The following UGT2A2 variants were observed in gnomAD, a reference collection of about 807,000 sequenced individuals.
UGT2A2 encodes the protein UDP-glucuronosyltransferase 2A2.
A neutral mutation model predicts 50.7 loss-of-function variants in UGT2A2; 60 were observed. The ratio of observed to expected loss-of-function variants is 1.18; its 90% CI spans 0.96 to 1.47. The LOEUF (loss-of-function observed/expected upper bound fraction) is 1.47, where lower values mean the gene tolerates loss of function less well. Ranked by LOEUF, UGT2A2 falls within the 40% of genes most tolerant of loss-of-function variation. UGT2A2 has a pLI of 0.00. For missense variants in UGT2A2, 762 were observed against 634.0 expected, an observed-to-expected ratio of 1.20 and a Z score of -2.17; for synonymous variants, 242 against 214.6, an observed-to-expected ratio of 1.13 and a Z score of -1.11.
At chr4:69,628,815 A>C (rs569534970) in intron 1 of UGT2A2, among the ~76,000 whole-genome samples, 17 of 151,106 alleles carry the variant, frequency 1.1e-4, no homozygotes, top group Admixed American at 3.3e-4. Context: ...TGAAAAAAAG[A>C]AAAAAGACCG....
At chr4:69,635,187 G>A (rs935240650) in intron 1 of UGT2A2, among the ~76,000 whole-genome samples, 2 of 152,010 alleles carry the variant, frequency 1.3e-5, no homozygotes, top group Admixed American at 6.6e-5. Flanking sequence ...AATATTAAAT[G>A]TCAAAAAATA....
rs145727607 is a variant in UGT2A2 at position 69,609,378 on chromosome 4, G to T, written c.743-9984C>A. ...CAGTTTTAATTTTTTGTTTGTTTGT[G>T]TTGTAGAGATGATGTCTCTCTCTGT... is the stretch of plus-strand genomic sequence containing the variant. On this transcript the variant is annotated intron_variant, in intron 1 of 5. Transcript: ENST00000604629. Among the ~76,000 whole-genome samples the T allele has an allele frequency of 5.2e-3, 781 of 151,642 alleles. 10 individuals are homozygous for T. The highest frequency in any genetic ancestry group is 0.017 in the African/African-American group (714 of 41,358).
At chr4:69,613,842 C>T (rs1720210770) in intron 1 of UGT2A2, among the ~76,000 whole-genome samples, 1 of 151,816 alleles carries the variant, frequency 6.6e-6, no homozygotes, top group African/African-American at 2.4e-5. Flanking sequence ...TTATAAAAGC[C>T]ATAAACCGCA....
chr4:69,639,261 A>G lies in UGT2A2; in HGVS notation c.380T>C (p.Phe127Ser). 1 of 1,613,706 alleles carries G rather than the reference A, an allele frequency of 6.2e-7. No homozygotes were observed. The highest frequency in any genetic ancestry group is 8.5e-7 in the Non-Finnish European group (1 of 1,179,748). Residue 127 changes from phenylalanine (F) to serine (S), a missense_variant, in exon 1 of 6, where the codon TTC becomes TCC. Physicochemically the swap from Phe to Ser is radical, Grantham distance 155. Coordinates refer to ENST00000604629, the MANE Select transcript of UGT2A2 (RefSeq NM_001105677.2). Reference sequence around the variant, plus strand: ...ACAGAGTTGTATGTTAATTTGAAAGAAAGTGTCTAGAAGTTTTCCTAGTTC... The same window carrying G: ...ACAGAGTTGTATGTTAATTTGAAAGGAAGTGTCTAGAAGTTTTCCTAGTTC... Reference protein sequence around the residue: ...YKELGKLLDTFFQINIQLCDG... With the variant: ...YKELGKLLDTSFQINIQLCDG...
At chr4:69,625,082 A>C (rs1720966250) in intron 1 of UGT2A2, among the ~76,000 whole-genome samples, 2 of 151,160 alleles carry the variant, frequency 1.3e-5, no homozygotes, top group African/African-American at 2.4e-5. Flanking sequence ...TAATTATGAT[A>C]ATTTTAATTT....
At chr4:69,603,657 T>C (rs1719428434) in intron 1 of UGT2A2, 1 of 135,552 alleles carries the variant, frequency 7.4e-6, no homozygotes, top group Non-Finnish European at 1.6e-5. Context: ...GCAAAGAGGT[T>C]AAAAACCTTG....
intron 1 of UGT2A2, among the ~76,000 whole-genome samples, chr4:69,620,289 A>AG (rs1035036522): frequency 2.1e-4 from 27 of 125,944 alleles, no homozygotes; most frequent in African/African-American, 8.4e-4. Flanking sequence ...GTAAAGTTTC[A>AG]GGAAAAAAAA....
At chr4:69,607,201 G>T (rs1420445077) in intron 1 of UGT2A2, among the ~76,000 whole-genome samples, 1 of 150,242 alleles carries the variant, frequency 6.7e-6, no homozygotes, top group African/African-American at 2.5e-5. Flanking sequence ...AAACAGCATG[G>T]TACTGGTACC....
At chr4:69,605,461 ACAG>A (rs1458065591) in intron 1 of UGT2A2, among the ~76,000 whole-genome samples, 1 of 137,164 alleles carries the variant, frequency 7.3e-6, no homozygotes, top group Admixed American at 7.2e-5. Context: ...TGCCCACAGA[ACAG>A]AGCAGGAAAG....
At chr4:69,594,890 A>G (rs1718826214) in intron 4 of UGT2A2, among the ~76,000 whole-genome samples, 194 bp from the exon 5 acceptor site, 1 of 152,188 alleles carries the variant, frequency 6.6e-6, no homozygotes, top group East Asian at 1.9e-4. Flanking sequence ...CAGCATTTGC[A>G]TTTTCTGGGA....
At chr4:69,613,459 T>C (rs185958294) in intron 1 of UGT2A2, among the ~76,000 whole-genome samples, 129 of 152,076 alleles carry the variant, frequency 8.5e-4, no homozygotes, top group African/African-American at 3.0e-3. Context: ...TTGAAATATG[T>C]TCCAAAACAT....
chr4:69,599,372 C>A lies in UGT2A2; in HGVS notation c.765G>T (p.Glu255Asp), dbSNP rs975747883. Residue 255 changes from glutamate to aspartate, a missense_variant, in exon 2 of 6, where the codon GAG becomes GAT. Physicochemically the swap from Glu to Asp is conservative, Grantham distance 45. Transcript: ENST00000604629. Reference protein sequence around the residue: ...KILGRPTTLCETMGKAEIWLI... With the variant: ...KILGRPTTLCDTMGKAEIWLI... ...ACCAAATTTCAGCTTTCCCCATAGT[C>A]TCACATAACGTAGTGGGTCTTCCTG... 1 of 1,613,530 alleles carries A rather than the reference C, an allele frequency of 6.2e-7. No homozygotes were observed. The highest frequency in any genetic ancestry group is 1.3e-5 in the African/African-American group (1 of 74,840).
chr4:69,628,709 A>G (rs1367393243), intron 1 of UGT2A2, among the ~76,000 whole-genome samples: 1 of 149,388 alleles, frequency 6.7e-6, no homozygotes, highest in East Asian at 1.9e-4. Flanking sequence ...TTTTCTTTAA[A>G]AGCAAATATA....
In UGT2A2 at chr4:69,589,006, T is replaced by C. The variant is rs115247793; in HGVS notation, c.*366A>G. The C allele has an allele frequency of 3.8e-3, 673 of 177,288 alleles. 7 individuals carry two copies. The highest frequency in any genetic ancestry group is 0.013 in the African/African-American group (549 of 41,924). 11.0% of individuals were successfully genotyped at this position (177,288 alleles called of 1,614,324 possible). ...CACCTATCAAATTCCATCTACACTGTATGCATTACCAGGATTCAGCATATT... is the reference window on the plus strand; with the variant it reads ...CACCTATCAAATTCCATCTACACTGCATGCATTACCAGGATTCAGCATATT... On this transcript the variant is annotated 3_prime_UTR_variant, in exon 6 of 6. Coordinates refer to ENST00000604629, the MANE Select transcript of UGT2A2 (RefSeq NM_001105677.2).
At chr4:69,596,455 G>T in intron 2 of UGT2A2, 74 bp from the exon 3 acceptor site, 1 of 1,401,630 alleles carries the variant, frequency 7.1e-7, no homozygotes, top group Non-Finnish European at 9.4e-7. Flanking sequence ...ACACATTTAA[G>T]TAGGTAAAAT....
At chr4:69,628,481 A>G (rs970583966) in intron 1 of UGT2A2, among the ~76,000 whole-genome samples, 1 of 151,812 alleles carries the variant, frequency 6.6e-6, no homozygotes, top group Non-Finnish European at 1.5e-5. Flanking sequence ...ACAAGATATC[A>G]AGAATATACG....
chr4:69,616,667 T>C (rs116536093), intron 1 of UGT2A2, among the ~76,000 whole-genome samples: 1,996 of 151,922 alleles, frequency 0.013, 38 homozygotes, highest in African/African-American at 0.046. Flanking sequence ...CCAGAAAAAA[T>C]TGATAATTTT....
rs577832842 is a variant in UGT2A2 at position 69,590,911 on chromosome 4, T to A, written c.1332-1260A>T. On this transcript the variant is annotated intron_variant, in intron 5 of 5. Transcript: ENST00000604629. ...TGAATAATTAAATTACAATGGTCTATTCAAATGTAATTGTTAATGTTTATT... is the reference window on the plus strand; with the variant it reads ...TGAATAATTAAATTACAATGGTCTAATCAAATGTAATTGTTAATGTTTATT... Among the ~76,000 whole-genome samples, 10 of 152,326 alleles carry A rather than the reference T, an allele frequency of 6.6e-5. No homozygotes were observed. The South Asian group carries it at 2.1e-3, about 32-fold the overall frequency.
intron 5 of UGT2A2, among the ~76,000 whole-genome samples, chr4:69,591,169 T>C (rs1718576461): frequency 6.6e-6 from 1 of 152,234 alleles, no homozygotes; most frequent in Non-Finnish European, 1.5e-5. Flanking sequence ...TTTGAAGATA[T>C]TTATTTGTAG....
Sources: gnomAD v4.1 joint callset for allele counts (sites outside exome capture counted in the v4.1 genomes callset) on GRCh38, gnomAD v4.1.1 for gene constraint, MANE v1.5 for transcripts, NCBI Gene and HGNC (gene_info 2026-07-23, HGNC 2026-07-21) for gene names.